Variants in SLC38A1 observed in about 807,000 individuals in gnomAD.
SLC38A1 encodes the protein solute carrier family 38 member 1.
In SLC38A1, 18 loss-of-function variants were observed where a neutral mutation model predicts 60.3. The observed-to-expected ratio is 0.30, with a 90% CI of 0.21 to 0.44. SLC38A1 has a LOEUF of 0.44. SLC38A1 is among the 20% of genes least tolerant of loss of function. The pLI is 1.00. For missense variants in SLC38A1, 448 were observed against 587.2 expected (o/e 0.76, Z 2.45); for synonymous variants, 196 against 212.1 (o/e 0.92, Z 0.66).
At chr12:46,217,730 G>T (rs1940477222) in intron 5 of SLC38A1, among the ~76,000 whole-genome samples, 1 of 152,152 alleles carries the variant, frequency 6.6e-6, no homozygotes, top group East Asian at 1.9e-4. Flanking sequence ...AATTCTGAGG[G>T]TCAGAAGACC....
At chr12:46,197,074 C>T (rs2136954342) in intron 16 of SLC38A1, among the ~76,000 whole-genome samples, 1 of 152,302 alleles carries the variant, frequency 6.6e-6, no homozygotes, top group South Asian at 2.1e-4. Flanking sequence ...ATCTGTGAGT[C>T]CCTCGTCACT....
At chr12:46,263,812 G>T (rs1592163495) in intron 1 of SLC38A1, among the ~76,000 whole-genome samples, 1 of 152,216 alleles carries the variant, frequency 6.6e-6, no homozygotes, top group East Asian at 1.9e-4. Flanking sequence ...GTAACCTGAG[G>T]CTGTGGCTCC....
chr12:46,210,368 A>T (rs1335708197), intron 5 of SLC38A1, among the ~76,000 whole-genome samples: 1 of 152,236 alleles, frequency 6.6e-6, no homozygotes, highest in Non-Finnish European at 1.5e-5. Flanking sequence ...AGAGGGGCAG[A>T]GCTCAGCAGA....
rs560065454 is a variant in SLC38A1 at position 46,242,977 on chromosome 12, T to A, written c.-94+223A>T. ...TTCTCTTTTTTAAGTTTAGCATTGG[T>A]GATTTTAGATTGTTTTTAGCCTACT... On this transcript the variant is annotated intron_variant, in intron 2 of 16. Coordinates refer to ENST00000398637, the MANE Select transcript of SLC38A1 (RefSeq NM_030674.4). Among the ~76,000 whole-genome samples the A allele has an allele frequency of 3.4e-4, 51 of 152,188 alleles. No homozygotes were observed. The South Asian group carries it at 0.01, about 30-fold the overall frequency.
intron 13 of SLC38A1, 111 bp from the exon 14 acceptor site, chr12:46,198,854 G>A: frequency 1.5e-6 from 1 of 682,464 alleles, no homozygotes; most frequent in Non-Finnish European, 2.5e-6. Flanking sequence ...GAAAAGCAAT[G>A]TTTCGAAATG....
intron 3 of SLC38A1, among the ~76,000 whole-genome samples, chr12:46,230,256 G>A (rs1941022623): frequency 6.6e-6 from 1 of 152,198 alleles, no homozygotes; most frequent in Non-Finnish European, 1.5e-5. Flanking sequence ...CACTGGAACA[G>A]GCACTGGGGA....
At chr12:46,216,405 A>G (rs1180754032) in intron 5 of SLC38A1, among the ~76,000 whole-genome samples, 1 of 152,200 alleles carries the variant, frequency 6.6e-6, no homozygotes, top group Non-Finnish European at 1.5e-5. Context: ...CAAGTGTGAC[A>G]GCCAGCCAGT....
intron 5 of SLC38A1, among the ~76,000 whole-genome samples, chr12:46,213,332 T>C (rs1425677602): frequency 6.6e-6 from 1 of 152,226 alleles, no homozygotes; most frequent in Non-Finnish European, 1.5e-5. Flanking sequence ...ACTTTTTTTG[T>C]CTGTTTCTGA....
chr12:46,194,191 G>A (rs1939266482), intron 16 of SLC38A1, among the ~76,000 whole-genome samples: 1 of 152,122 alleles, frequency 6.6e-6, no homozygotes, highest in Non-Finnish European at 1.5e-5. Context: ...CTTCACTTAT[G>A]AAGCTTAGTT....
At chr12:46,246,416 T>C (rs565507325) in intron 1 of SLC38A1, among the ~76,000 whole-genome samples, 1 of 152,288 alleles carries the variant, frequency 6.6e-6, no homozygotes, top group South Asian at 2.1e-4. Context: ...AGTGCAGCAG[T>C]CTGAGATTGA....
intron 5 of SLC38A1, among the ~76,000 whole-genome samples, chr12:46,227,283 C>A (rs1311532962): frequency 1.3e-5 from 2 of 152,098 alleles, no homozygotes. Context: ...TTTTCAGTCA[C>A]CTTTTCTGAG....
At chr12:46,212,892 C>T (rs1940237209) in intron 5 of SLC38A1, among the ~76,000 whole-genome samples, 1 of 152,210 alleles carries the variant, frequency 6.6e-6, no homozygotes, top group South Asian at 2.1e-4. Context: ...ACTGTCGCTA[C>T]TTCTATCCTT....
At chr12:46,191,091 T>C (rs1939126084) in intron 16 of SLC38A1, among the ~76,000 whole-genome samples, 1 of 152,236 alleles carries the variant, frequency 6.6e-6, no homozygotes, top group Non-Finnish European at 1.5e-5. Flanking sequence ...CTTTAACCCA[T>C]CTTGAGTTAA....
At chr12:46,206,185 G>A in intron 8 of SLC38A1, 23 bp from the exon 9 acceptor site, 1 of 1,499,568 alleles carries the variant, frequency 6.7e-7, no homozygotes, top group Non-Finnish European at 9.1e-7. Context: ...TAAGTGATTA[G>A]GTTATATTTT....
intron 1 of SLC38A1, among the ~76,000 whole-genome samples, chr12:46,249,172 A>AG (rs1189546197): frequency 4.0e-5 from 6 of 150,658 alleles, no homozygotes; most frequent in African/African-American, 1.2e-4. Context: ...AAAAAAAAAA[A>AG]AAAGAAACTC....
chr12:46,251,421 G>A (rs1941834361), intron 1 of SLC38A1, among the ~76,000 whole-genome samples: 1 of 152,150 alleles, frequency 6.6e-6, no homozygotes, highest in Non-Finnish European at 1.5e-5. Context: ...ATACCATTCA[G>A]GACATAGGCA....
intron 3 of SLC38A1, among the ~76,000 whole-genome samples, chr12:46,234,492 G>A (rs1191967842): frequency 1.4e-5 from 2 of 144,000 alleles, no homozygotes; most frequent in East Asian, 4.1e-4. Context: ...CTTTCGCCCA[G>A]GCCGGACTGC....
At chr12:46,189,706 T>C (rs1185224295) in intron 16 of SLC38A1, among the ~76,000 whole-genome samples, 1 of 152,114 alleles carries the variant, frequency 6.6e-6, no homozygotes, top group Non-Finnish European at 1.5e-5. Context: ...AGGAGGTAAT[T>C]GAATCCTGGG....
At chr12:46,240,227 G>A (rs1340235334) in intron 2 of SLC38A1, among the ~76,000 whole-genome samples, 1 of 152,120 alleles carries the variant, frequency 6.6e-6, no homozygotes, top group Non-Finnish European at 1.5e-5. Flanking sequence ...ATGGAGTCTC[G>A]CTCTTGTTGC....
Sources: gnomAD v4.1 joint callset for allele counts (sites outside exome capture counted in the v4.1 genomes callset) on GRCh38, gnomAD v4.1.1 for gene constraint, MANE v1.5 for transcripts, NCBI Gene and HGNC (gene_info 2026-07-23, HGNC 2026-07-21) for gene names.